Variants in STIM2 observed in about 807,000 individuals in gnomAD.
The protein encoded by STIM2 is stromal interaction molecule 2.
In STIM2, 31 loss-of-function variants were observed where a neutral mutation model predicts 85.8. The observed-to-expected ratio is 0.36, with a 90% CI of 0.27 to 0.49. The LOEUF (loss-of-function observed/expected upper bound fraction) is 0.49, where lower values mean the gene tolerates loss of function less well. Ranked by LOEUF, STIM2 falls within the 20% of genes least tolerant of loss-of-function variation. The pLI is 0.98. For synonymous variants in STIM2, 356 were observed against 331.1 expected, an observed-to-expected ratio of 1.08 and a Z score of -0.82; for missense variants, 841 against 927.6, an observed-to-expected ratio of 0.91 and a Z score of 1.21.
At chr4:26,992,839 T>C (rs1727813483) in intron 3 of STIM2, among the ~76,000 whole-genome samples, 1 of 152,078 alleles carries the variant, frequency 6.6e-6, no homozygotes, top group Admixed American at 6.6e-5. Flanking sequence ...AAAGGAGAAG[T>C]GAATCTCCCC....
At chr4:27,008,705 T>G in intron 9 of STIM2, 59 bp from the exon 10 acceptor site, 1 of 1,532,980 alleles carries the variant, frequency 6.5e-7, no homozygotes, top group Non-Finnish European at 9.0e-7. Flanking sequence ...TTGCCTTTTT[T>G]CAGTGCCATA....
At chr4:26,996,865 A>G (rs902111297) in intron 4 of STIM2, among the ~76,000 whole-genome samples, 1 of 152,138 alleles carries the variant, frequency 6.6e-6, no homozygotes, top group African/African-American at 2.4e-5. Context: ...CAACAACATG[A>G]AATAAAATAG....
At chr4:26,878,525 C>T (rs1291421520) in intron 1 of STIM2, among the ~76,000 whole-genome samples, 2 of 152,100 alleles carry the variant, frequency 1.3e-5, no homozygotes, top group Non-Finnish European at 2.9e-5. Flanking sequence ...AGGTAATTAC[C>T]TGCTTCTCCT....
chr4:26,863,200 T>C (rs919114112), intron 1 of STIM2, among the ~76,000 whole-genome samples: 3 of 152,100 alleles, frequency 2.0e-5, no homozygotes, highest in Non-Finnish European at 4.4e-5. Context: ...GTGATTCTTA[T>C]TGGAAAAAAA....
intron 10 of STIM2, among the ~76,000 whole-genome samples, chr4:27,012,750 A>G (rs956994835): frequency 6.6e-6 from 1 of 152,060 alleles, no homozygotes; most frequent in Admixed American, 6.5e-5. Flanking sequence ...TTTAAAGAGA[A>G]TGCTGCCAGA....
At chr4:27,003,470 A>G (rs943359159) in intron 7 of STIM2, among the ~76,000 whole-genome samples, 6 of 152,214 alleles carry the variant, frequency 3.9e-5, no homozygotes, top group African/African-American at 7.2e-5. Flanking sequence ...AAGGATCTCT[A>G]TTAAACATCC....
intron 1 of STIM2, among the ~76,000 whole-genome samples, chr4:26,895,159 C>T (rs1189959573): frequency 6.6e-6 from 1 of 152,244 alleles, no homozygotes; most frequent in Non-Finnish European, 1.5e-5. Flanking sequence ...TTGCAGTGAG[C>T]TGAGATTGCG....
At chr4:26,889,610 C>T (rs1319902799) in intron 1 of STIM2, among the ~76,000 whole-genome samples, 11 of 152,138 alleles carry the variant, frequency 7.2e-5, no homozygotes, top group East Asian at 1.9e-4. Context: ...CTCTGGGGAA[C>T]GGTGCCATAT....
At chr4:26,938,225 A>G (rs997859699) in intron 2 of STIM2, among the ~76,000 whole-genome samples, 5 of 150,998 alleles carry the variant, frequency 3.3e-5, no homozygotes, top group Non-Finnish European at 7.4e-5. Flanking sequence ...TTATTGAGGT[A>G]TATTTAACAA....
chr4:26,929,481 C>T (rs1252010525), intron 2 of STIM2, among the ~76,000 whole-genome samples: 3 of 151,968 alleles, frequency 2.0e-5, no homozygotes, highest in Non-Finnish European at 2.9e-5. Context: ...AACCTTAGCC[C>T]AAATTTTAAA....
At chr4:26,951,909 TC>T (rs1726068078) in intron 2 of STIM2, among the ~76,000 whole-genome samples, 1 of 152,128 alleles carries the variant, frequency 6.6e-6, no homozygotes, top group Non-Finnish European at 1.5e-5. Context: ...AGTTCTGGCA[TC>T]AGAGGCCAAA....
intron 2 of STIM2, among the ~76,000 whole-genome samples, chr4:26,937,450 A>AAT: frequency 6.6e-6 from 1 of 152,136 alleles, no homozygotes; most frequent in East Asian, 1.9e-4. Context: ...GCATTGATCT[A>AAT]ATATACTTTT....
intron 2 of STIM2, among the ~76,000 whole-genome samples, chr4:26,935,043 T>A (rs1219033528): frequency 1.3e-5 from 2 of 152,210 alleles, no homozygotes; most frequent in Non-Finnish European, 2.9e-5. Flanking sequence ...TTAAACTTTT[T>A]AAAATATCTT....
At chr4:26,902,563 G>A (rs541524185) in intron 1 of STIM2, among the ~76,000 whole-genome samples, 2 of 152,294 alleles carry the variant, frequency 1.3e-5, no homozygotes, top group East Asian at 3.9e-4. Context: ...AGTAACAGCA[G>A]TTCAGGAAGC....
At chr4:26,861,688 T>G in intron 1 of STIM2, 1 of 199,878 alleles carries the variant, frequency 5.0e-6, no homozygotes, top group Non-Finnish European at 9.7e-6. Context: ...TGCAGGGGAC[T>G]GGGCTGATTT....
intron 3 of STIM2, among the ~76,000 whole-genome samples, chr4:26,961,004 C>T (rs1252160055): frequency 6.8e-6 from 1 of 146,218 alleles, no homozygotes; most frequent in Non-Finnish European, 1.5e-5. Flanking sequence ...TGCGCTACTG[C>T]ACTCCGTCTC....
chr4:26,902,990 G>A (rs75418215), intron 1 of STIM2, among the ~76,000 whole-genome samples: 5,612 of 152,160 alleles, frequency 0.037, 143 homozygotes, highest in South Asian at 0.079. Context: ...AAAATACAAA[G>A]GGAAATGGTA....
At position 26,919,591 on chromosome 4, in the gene STIM2, A is replaced by G. The variant is rs1409698484; in HGVS notation, c.239A>G (p.Asp80Gly). ...CTTCAAACAATACATAAACAAATGG[A>G]TGATGACAAAGATGGTGGAATTGAA... The change falls in exon 2 of 12, where the codon GAT becomes GGT. Residue 80 changes from aspartate to glycine, a missense_variant. Coordinates refer to ENST00000467087, the MANE Select transcript of STIM2 (RefSeq NM_020860.4). 3 of 1,613,616 alleles carry G rather than the reference A, an allele frequency of 1.9e-6. No homozygotes were observed. Among genetic ancestry groups the G allele is most frequent in the Non-Finnish European group, 2.5e-6 (3 of 1,179,752 alleles).
In STIM2 at chr4:27,008,915, C is replaced by G; in HGVS notation, c.1402C>G (p.Pro468Ala). 6.2e-7 allele frequency: 1 copy of G among 1,614,102 alleles called. No individual in the cohort carries two copies. Among genetic ancestry groups the G allele is most frequent in the Non-Finnish European group, 8.5e-7 (1 of 1,180,020 alleles). Residue 468 changes from proline (P) to alanine (A), a missense_variant, in exon 10 of 12, where the codon CCC becomes GCC. This residue lies in a region of STIM2 where 408 missense variants were observed against 525.4 expected (regional missense o/e 0.78). Coordinates refer to ENST00000467087, the MANE Select transcript of STIM2 (RefSeq NM_020860.4). ...TTCTGATCACAGCTGGGTGGTGATG[C>G]CCAGAGTCTCCATTCCACCCTATCC...
Sources: allele counts gnomAD v4.1 joint callset (sites outside exome capture counted in the v4.1 genomes callset), GRCh38; gene constraint gnomAD v4.1.1; regional missense constraint gnomAD v4.1.1; transcripts MANE v1.5; gene names NCBI Gene and HGNC (gene_info 2026-07-23, HGNC 2026-07-21).